The following EEFSEC variants were observed in gnomAD, a reference collection of about 807,000 sequenced individuals.
EEFSEC encodes the protein selenocysteine-specific elongation factor.
EEFSEC carries 43 observed loss-of-function variants against 42.1 expected under a neutral mutation model. The ratio of observed to expected loss-of-function variants is 1.02; its 90% CI spans 0.80 to 1.32. EEFSEC has a LOEUF of 1.32. Ranked by LOEUF, EEFSEC falls within the 40% of genes most tolerant of loss-of-function variation. The probability of loss-of-function intolerance (pLI) is 0.00; values close to 1 mark genes in which losing one functional copy is unlikely to be tolerated. For missense variants in EEFSEC, 745 were observed against 803.6 expected (o/e 0.93, Z 0.88); for synonymous variants, 354 against 339.1 (o/e 1.04, Z -0.48).
intron 6 of EEFSEC, among the ~76,000 whole-genome samples, chr3:128,395,230 C>T (rs572022116): frequency 7.9e-5 from 12 of 152,280 alleles, no homozygotes; most frequent in Admixed American, 4.6e-4. Context: ...GTGAGGCCTC[C>T]GGGCCAGAAG....
intron 4 of EEFSEC, among the ~76,000 whole-genome samples, chr3:128,340,978 TC>T (rs1357043609): frequency 6.6e-6 from 1 of 152,126 alleles, no homozygotes; most frequent in African/African-American, 2.4e-5. Flanking sequence ...CCCCTGCCTT[TC>T]CCCCAGAAGA....
intron 1 of EEFSEC, among the ~76,000 whole-genome samples, chr3:128,231,945 T>A (rs2065962922): frequency 6.6e-6 from 1 of 152,204 alleles, no homozygotes; most frequent in South Asian, 2.1e-4. Flanking sequence ...CAGGCGTCGC[T>A]GATGGTGAAG....
chr3:128,309,830 G>A (rs961359072), intron 4 of EEFSEC, among the ~76,000 whole-genome samples: 6 of 152,200 alleles, frequency 3.9e-5, no homozygotes, highest in African/African-American at 7.2e-5. Flanking sequence ...GATTCTTGGC[G>A]CCCACTCTGG....
At chr3:128,339,608 G>C (rs1317797331) in intron 4 of EEFSEC, among the ~76,000 whole-genome samples, 6 of 152,180 alleles carry the variant, frequency 3.9e-5, no homozygotes. Context: ...ATAGTAGTCA[G>C]TGATATTTTA....
chr3:128,415,591 C>T, the EEFSEC span, among the ~76,000 whole-genome samples: 1 of 152,252 alleles, frequency 6.6e-6, no homozygotes, highest in Admixed American at 6.5e-5. Context: ...TCCCTGCCAC[C>T]TTGCCCTGCT....
chr3:128,156,126 G>A (rs1944377229), intron 1 of EEFSEC, among the ~76,000 whole-genome samples: 1 of 152,226 alleles, frequency 6.6e-6, no homozygotes, highest in Non-Finnish European at 1.5e-5. Context: ...CATACTTTTG[G>A]AGTCAGACAA....
chr3:128,196,261 T>C (rs901173556), intron 1 of EEFSEC, among the ~76,000 whole-genome samples: 2 of 152,372 alleles, frequency 1.3e-5, no homozygotes, highest in African/African-American at 4.8e-5. Flanking sequence ...ATGATGAACA[T>C]AAACACAAGA....
chr3:128,324,160 C>T (rs928087314), intron 4 of EEFSEC, among the ~76,000 whole-genome samples: 1 of 152,168 alleles, frequency 6.6e-6, no homozygotes, highest in Non-Finnish European at 1.5e-5. Flanking sequence ...GGCTGAATGC[C>T]GAAGGGCCAG....
At position 128,153,576 on chromosome 3, in the gene EEFSEC, G is replaced by A. The variant is rs1391773805; in HGVS notation, c.69G>A (p.Leu23=). Residue 23 remains leucine (L), a synonymous_variant, in exon 1 of 7, where the codon CTG becomes CTA. Transcript: ENST00000254730. ...ACATCGACAGCGGCAAGACGGCGCT[G>A]GCGCGGGCGCTAAGCACCACAGCCT... The part of the protein sequence containing the change: ...LGHIDSGKTA[L]ARALSTTAST... The A allele has an allele frequency of 6.4e-7, 1 of 1,553,118 alleles. No homozygotes were observed. Among genetic ancestry groups the A allele is most frequent in the Non-Finnish European group, 8.6e-7 (1 of 1,156,994 alleles).
intron 6 of EEFSEC, among the ~76,000 whole-genome samples, chr3:128,402,945 C>T (rs2107636956): frequency 6.6e-6 from 1 of 152,294 alleles, no homozygotes; most frequent in African/African-American, 2.4e-5. Flanking sequence ...TGGAGCTTGT[C>T]ATTTCAGCAG....
At chr3:128,293,362 T>G (rs1318521215) in intron 4 of EEFSEC, among the ~76,000 whole-genome samples, 35 of 152,184 alleles carry the variant, frequency 2.3e-4, no homozygotes, top group Admixed American at 2.2e-3. Context: ...TTGCTAATTT[T>G]CTGTCTGTCT....
Position 128,408,108 on chromosome 3 carries a change from C to A in EEFSEC, c.1640C>A (p.Ala547Asp), listed in dbSNP as rs745517290. 6.2e-7 allele frequency: 1 copy of A among 1,603,962 alleles called. No homozygotes were observed. The highest frequency in any genetic ancestry group is 8.5e-7 in the Non-Finnish European group (1 of 1,175,050). ...GAGTCCAAGAAGATCCTGACACCCG[C>A]CCTCAAGAAGCGGGCCCGGGCTGGC... ...SPESKKILTP[A>D]LKKRARAGRG... is the part of the protein sequence containing the mutation. The change falls in exon 7 of 7, where the codon GCC becomes GAC. Residue 547 changes from alanine to aspartate, a missense_variant. Transcript: ENST00000254730.
chr3:128,339,810 G>A (rs941221795), intron 4 of EEFSEC, among the ~76,000 whole-genome samples: 2 of 152,136 alleles, frequency 1.3e-5, no homozygotes, highest in Non-Finnish European at 2.9e-5. Context: ...AGTTCTGCGT[G>A]GCTGAGGAGG....
At chr3:128,257,406 C>T (rs1382571597) in intron 2 of EEFSEC, among the ~76,000 whole-genome samples, 1 of 152,192 alleles carries the variant, frequency 6.6e-6, no homozygotes, top group Non-Finnish European at 1.5e-5. Flanking sequence ...ATATGTTCTG[C>T]CCAGCTCGTC....
chr3:128,298,082 CT>C (rs993499818), intron 4 of EEFSEC, among the ~76,000 whole-genome samples: 2 of 152,252 alleles, frequency 1.3e-5, no homozygotes, highest in African/African-American at 4.8e-5. Context: ...AAGAAATCAC[CT>C]TTTCCCCTTG....
Position 128,310,713 on chromosome 3 carries a change from A to C in EEFSEC, c.787-30520A>C, listed in dbSNP as rs527986179. On this transcript the variant is annotated intron_variant, in intron 4 of 6. Coordinates refer to ENST00000254730, the MANE Select transcript of EEFSEC (RefSeq NM_021937.5). ...CTTCCATTGCATTGCATTCTACTCC[A>C]ATTTTTTATTTTCCTTTTCACTTGA... 1.9e-4 allele frequency among the ~76,000 whole-genome samples: 29 copies of C among 152,330 alleles called. No homozygotes were observed. In the South Asian group the frequency reaches 3.5e-3, roughly 18 times the overall value.
At chr3:128,245,487 G>A (rs141258546) in intron 1 of EEFSEC, among the ~76,000 whole-genome samples, 85 of 152,336 alleles carry the variant, frequency 5.6e-4, no homozygotes, top group Middle Eastern at 3.4e-3. Context: ...CAGCTGGCAG[G>A]ATGAGGAGAG....
chr3:128,287,406 A>G lies in EEFSEC; in HGVS notation c.786+22625A>G, dbSNP rs140141576. Reference sequence around the variant, plus strand: ...CATGACAAACTGTACTAAATGGGAGAGAGTGAGGAGGCTGGGGAGGGGATG... The same window carrying G: ...CATGACAAACTGTACTAAATGGGAGGGAGTGAGGAGGCTGGGGAGGGGATG... On this transcript the variant is annotated intron_variant, in intron 4 of 6. Transcript: ENST00000254730. Among the ~76,000 whole-genome samples, 1,323 of 152,228 alleles carry G rather than the reference A, an allele frequency of 8.7e-3. 11 individuals are homozygous for G. Among genetic ancestry groups the G allele is most frequent in the Non-Finnish European group, 0.012 (823 of 68,008 alleles).
intron 4 of EEFSEC, among the ~76,000 whole-genome samples, chr3:128,286,653 T>C (rs2066589389): frequency 6.6e-6 from 1 of 152,172 alleles, no homozygotes; most frequent in Non-Finnish European, 1.5e-5. Flanking sequence ...CTCATCCTGT[T>C]TCCTGCCCCA....
Sources: allele counts gnomAD v4.1 joint callset (sites outside exome capture counted in the v4.1 genomes callset), GRCh38; gene constraint gnomAD v4.1.1; transcripts MANE v1.5; gene names NCBI Gene and HGNC (gene_info 2026-07-23, HGNC 2026-07-21).